KCNIP4: variants seen among roughly 807,000 people sequenced by gnomAD.
KCNIP4 encodes potassium voltage-gated channel interacting protein 4.
A neutral mutation model predicts 34.0 loss-of-function variants in KCNIP4; 12 were observed. The ratio of observed to expected loss-of-function variants is 0.35; its 90% confidence interval spans 0.23 to 0.57. The LOEUF is 0.57. Among genes scored for constraint, KCNIP4 ranks in the 20% least tolerant of loss-of-function variants. KCNIP4 has a pLI of 0.83. For synonymous variants in KCNIP4, 124 were observed against 102.2 expected (o/e 1.21, Z -1.29); for missense variants, 238 against 311.7 (o/e 0.76, Z 1.78).
intron 1 of KCNIP4, among the ~76,000 whole-genome samples, chr4:21,347,459 A>G (rs1173358382): frequency 6.6e-6 from 1 of 152,172 alleles, no homozygotes; most frequent in East Asian, 1.9e-4. Context: ...AGTGTATTCC[A>G]TGAGTTGAAC....
intron 1 of KCNIP4, among the ~76,000 whole-genome samples, chr4:21,001,247 G>A (rs1367953044): frequency 6.6e-6 from 1 of 152,162 alleles, no homozygotes; most frequent in Admixed American, 6.5e-5. Context: ...GTATTGTTAT[G>A]TTAATAGAGA....
intron 3 of KCNIP4, among the ~76,000 whole-genome samples, chr4:20,822,066 G>T (rs1420702080): frequency 6.6e-6 from 1 of 151,864 alleles, no homozygotes; most frequent in East Asian, 1.9e-4. Flanking sequence ...TAAATAAATG[G>T]GATCTCATTA....
chr4:21,592,487 A>G (rs572475739), intron 1 of KCNIP4, among the ~76,000 whole-genome samples: 1 of 152,118 alleles, frequency 6.6e-6, no homozygotes, highest in East Asian at 1.9e-4. Context: ...GTTTTAAAAG[A>G]CCTGGATAAT....
At chr4:21,788,562 G>A (rs931427603) in intron 1 of KCNIP4, among the ~76,000 whole-genome samples, 1 of 151,110 alleles carries the variant, frequency 6.6e-6, no homozygotes, top group African/African-American at 2.5e-5. Flanking sequence ...AGGTCACCAG[G>A]CATCTCAGAT....
At chr4:20,910,694 CCAAGGT>C (rs1161883402) in intron 1 of KCNIP4, among the ~76,000 whole-genome samples, 2 of 152,150 alleles carry the variant, frequency 1.3e-5, no homozygotes, top group African/African-American at 2.4e-5. Flanking sequence ...CAATGTCTTA[CCAAGGT>C]TATCCATCCC....
chr4:21,418,100 A>G (rs889259192), intron 1 of KCNIP4, among the ~76,000 whole-genome samples: 1 of 152,114 alleles, frequency 6.6e-6, no homozygotes, highest in African/African-American at 2.4e-5. Context: ...CAGATAACTT[A>G]AGTCTGAAAC....
intron 1 of KCNIP4, among the ~76,000 whole-genome samples, chr4:21,871,558 C>T: frequency 6.6e-6 from 1 of 151,738 alleles, no homozygotes; most frequent in East Asian, 2.0e-4. Flanking sequence ...AACCAAACAC[C>T]ACATGTTCTC....
At chr4:21,115,278 A>G (rs915488482) in intron 1 of KCNIP4, among the ~76,000 whole-genome samples, 7 of 152,204 alleles carry the variant, frequency 4.6e-5, no homozygotes, top group Non-Finnish European at 7.3e-5. Context: ...TGCTATAGAT[A>G]GTAGTTGGTG....
intron 1 of KCNIP4, among the ~76,000 whole-genome samples, chr4:21,346,127 C>A (rs1222284803): frequency 9.4e-6 from 1 of 106,380 alleles, no homozygotes; most frequent in African/African-American, 3.6e-5. Context: ...ATATATTTTA[C>A]ACTGCCTGAG....
chr4:21,637,783 C>CAAAAAAAAAAAAAAAAAAAAGAAAA (rs1746317017), intron 1 of KCNIP4, among the ~76,000 whole-genome samples: 1 of 109,474 alleles, frequency 9.1e-6, no homozygotes. Flanking sequence ...AAGTCCGTCT[C>CAAAAAAAAAAAAAAAAAAAAGAAAA]AAAAAAAAAA....
intron 1 of KCNIP4, among the ~76,000 whole-genome samples, chr4:21,251,523 G>T (rs967596391): frequency 1.7e-4 from 26 of 151,808 alleles, no homozygotes; most frequent in African/African-American, 6.0e-4. Flanking sequence ...TACAAATTTT[G>T]CCCGGGGTAA....
At chr4:21,745,298 C>T (rs556456323) in intron 1 of KCNIP4, among the ~76,000 whole-genome samples, 19 of 152,212 alleles carry the variant, frequency 1.2e-4, no homozygotes, top group South Asian at 2.1e-4. Context: ...ATAAGATTAC[C>T]GTAGAATTTC....
chr4:21,652,128 T>C (rs1747537017), intron 1 of KCNIP4, among the ~76,000 whole-genome samples: 1 of 152,214 alleles, frequency 6.6e-6, no homozygotes, highest in Non-Finnish European at 1.5e-5. Context: ...GGTAAATTTC[T>C]TAAGGTAAAA....
At chr4:21,536,021 G>A (rs1449091971) in intron 1 of KCNIP4, among the ~76,000 whole-genome samples, 1 of 152,068 alleles carries the variant, frequency 6.6e-6, no homozygotes, top group African/African-American at 2.4e-5. Flanking sequence ...TGATATCATG[G>A]GCTGTCTGTC....
chr4:21,844,296 C>A (rs1560755898), intron 1 of KCNIP4: 1 of 152,070 alleles, frequency 6.6e-6, no homozygotes, highest in Non-Finnish European at 1.5e-5. Context: ...ATTCTTCAGC[C>A]TGCACAGTGA....
chr4:20,767,300 A>G (rs530260676), intron 3 of KCNIP4: 6 of 152,176 alleles, frequency 3.9e-5, no homozygotes, highest in Non-Finnish European at 7.3e-5. Flanking sequence ...AAAAGAAAGG[A>G]ATATTGTAAT....
intron 2 of KCNIP4, among the ~76,000 whole-genome samples, chr4:20,859,796 C>G (rs896498837): frequency 6.6e-6 from 1 of 152,150 alleles, no homozygotes; most frequent in Non-Finnish European, 1.5e-5. Context: ...TCTTGCCTTA[C>G]GAACAAATAT....
chr4:21,826,620 T>C lies in KCNIP4; in HGVS notation c.61+121951A>G, dbSNP rs546916394. On this transcript the variant is annotated intron_variant, in intron 1 of 8. Transcript: ENST00000382152. The stretch of plus-strand genomic sequence containing the variant: ...TTGTTTTAGTAAACTGGTGTTGAGG[T>C]TGATTAAAGATATGATCACATGTGA... 1.1e-4 allele frequency among the ~76,000 whole-genome samples: 16 copies of C among 152,168 alleles called. No individual in the cohort carries two copies. The East Asian group carries it at 3.1e-3, about 29-fold the overall frequency.
At chr4:21,015,279 A>AAT (rs1039882020) in intron 1 of KCNIP4, among the ~76,000 whole-genome samples, 14 of 149,640 alleles carry the variant, frequency 9.4e-5, no homozygotes, top group Admixed American at 6.1e-4. Flanking sequence ...AAATGCTAGA[A>AAT]ATATATATAT....
Sources: gnomAD v4.1 joint callset for allele counts (sites outside exome capture counted in the v4.1 genomes callset) on GRCh38, gnomAD v4.1.1 for gene constraint, MANE v1.5 for transcripts, NCBI Gene and HGNC (gene_info 2026-07-23, HGNC 2026-07-21) for gene names.